GSE1: variants seen among roughly 807,000 people sequenced by gnomAD.
GSE1 encodes the protein Gse1 coiled-coil protein, also known as genetic suppressor element 1.
In GSE1, 32 loss-of-function variants were observed where a neutral mutation model predicts 112.6. That is an observed-to-expected ratio of 0.28 (90% CI 0.21 to 0.38). The LOEUF (loss-of-function observed/expected upper bound fraction) is 0.38, where lower values mean the gene tolerates loss of function less well. GSE1 is among the 10% of genes least tolerant of loss of function. The pLI is 1.00. For synonymous variants in GSE1, 1,115 were observed against 735.6 expected (o/e 1.52, Z -8.35); for missense variants, 2,348 against 1,699.2 (o/e 1.38, Z -6.71).
intron 1 of GSE1, among the ~76,000 whole-genome samples, chr16:85,235,181 A>C (rs1904463916): frequency 6.6e-6 from 1 of 152,062 alleles, no homozygotes. Flanking sequence ...CTTTCTCCCC[A>C]GGCTGGGGCT....
chr16:85,378,976 C>T (rs559383762), intron 2 of GSE1, among the ~76,000 whole-genome samples: 3 of 152,302 alleles, frequency 2.0e-5, no homozygotes, highest in Admixed American at 6.5e-5. Flanking sequence ...AAGTTCAGAT[C>T]CTGGCTCTGG....
intron 1 of GSE1, among the ~76,000 whole-genome samples, chr16:85,232,812 C>G (rs1904301682): frequency 6.6e-6 from 1 of 152,270 alleles, no homozygotes. Context: ...CTTCCTTCCA[C>G]CCAGGTTGCA....
chr16:85,321,367 T>G (rs989685666), intron 1 of GSE1, among the ~76,000 whole-genome samples: 3 of 152,222 alleles, frequency 2.0e-5, no homozygotes, highest in Admixed American at 2.0e-4. Flanking sequence ...TCCCCTCTTC[T>G]GCCTGAGCTG....
chr16:85,221,980 C>T (rs987094131), intron 1 of GSE1, among the ~76,000 whole-genome samples: 3 of 152,118 alleles, frequency 2.0e-5, no homozygotes, highest in Non-Finnish European at 4.4e-5. Context: ...GTGGGCTGGC[C>T]TCAGGGAGGG....
chr16:85,655,869 C>T lies in GSE1; in HGVS notation c.941C>T (p.Ser314Phe), dbSNP rs762235890. 2 of 1,608,758 alleles carry T rather than the reference C, an allele frequency of 1.2e-6. No individual in the cohort carries two copies. Among genetic ancestry groups the T allele is most frequent in the Admixed American group, 3.3e-5 (2 of 60,008 alleles). The stretch of plus-strand genomic sequence containing the variant: ...TACCCTCCCGAGCTCTCCCACTCAT[C>T]CCTGGCAGCGCTGCACTCGGAGCGC... Reference protein sequence around the residue: ...VRYPPELSHSSLAALHSERMS... With the variant: ...VRYPPELSHSFLAALHSERMS... Residue 314 changes from serine to phenylalanine, a missense_variant, in exon 6 of 16, where the codon TCC becomes TTC. Physicochemically the swap from Ser to Phe is radical, Grantham distance 155 (BLOSUM62 -2). Transcript: ENST00000253458.
At chr16:85,200,258 G>A (rs953180360) in intron 1 of GSE1, among the ~76,000 whole-genome samples, 6 of 152,030 alleles carry the variant, frequency 3.9e-5, no homozygotes, top group Admixed American at 3.9e-4. Flanking sequence ...CTCGGGACAG[G>A]GACCTCATAG....
chr16:85,454,606 T>C (rs562711455), intron 2 of GSE1, among the ~76,000 whole-genome samples: 8 of 152,250 alleles, frequency 5.3e-5, no homozygotes, highest in Non-Finnish European at 1.2e-4. Context: ...CCCACAGTTC[T>C]GGAGACGTCC....
chr16:85,190,850 C>T (rs954954110), intron 1 of GSE1, among the ~76,000 whole-genome samples: 3 of 152,250 alleles, frequency 2.0e-5, no homozygotes, highest in African/African-American at 7.2e-5. Flanking sequence ...CAGGGTGGGG[C>T]TGATGGTGAG....
At chr16:85,329,070 C>G (rs1025759804) in intron 1 of GSE1, among the ~76,000 whole-genome samples, 1 of 152,190 alleles carries the variant, frequency 6.6e-6, no homozygotes, top group Non-Finnish European at 1.5e-5. Context: ...CCCCGCGGCC[C>G]CAGTGTTCTA....
At chr16:85,480,215 C>T (rs184315611) in intron 2 of GSE1, among the ~76,000 whole-genome samples, 12 of 152,376 alleles carry the variant, frequency 7.9e-5, no homozygotes, top group Admixed American at 5.9e-4. Context: ...GGCAGTTTGG[C>T]TCCAGAATCT....
At chr16:85,329,660 T>A (rs750272837) in intron 1 of GSE1, among the ~76,000 whole-genome samples, 25 of 151,858 alleles carry the variant, frequency 1.6e-4, no homozygotes, top group Non-Finnish European at 2.9e-4. Flanking sequence ...GCCGGTGTTC[T>A]GAGGGGATTA....
chr16:85,671,476 A>G (rs1223053680), intron 15 of GSE1, among the ~76,000 whole-genome samples: 2 of 144,056 alleles, frequency 1.4e-5, no homozygotes, highest in African/African-American at 2.5e-5. Flanking sequence ...TTTGGACTGC[A>G]TGCAATGGCT....
intron 2 of GSE1, among the ~76,000 whole-genome samples, chr16:85,491,659 G>A (rs1023119688): frequency 6.6e-6 from 1 of 152,086 alleles, no homozygotes; most frequent in Non-Finnish European, 1.5e-5. Flanking sequence ...CATGATGGTG[G>A]AGGAGGTGAG....
intron 2 of GSE1, among the ~76,000 whole-genome samples, chr16:85,478,910 T>TC (rs1491509090): frequency 1.6e-4 from 9 of 57,400 alleles, no homozygotes; most frequent in African/African-American, 7.4e-4. Context: ...TTTCTTTCTT[T>TC]CTTTCTTTCT....
At chr16:85,173,741 A>G (rs772663818) in intron 1 of GSE1, among the ~76,000 whole-genome samples, 17 of 152,182 alleles carry the variant, frequency 1.1e-4, no homozygotes, top group Non-Finnish European at 1.9e-4. Flanking sequence ...GACTGATAAG[A>G]ACGCCAGGAA....
chr16:85,542,881 T>C (rs1456422294), intron 2 of GSE1, among the ~76,000 whole-genome samples: 1 of 152,222 alleles, frequency 6.6e-6, no homozygotes, highest in Non-Finnish European at 1.5e-5. Context: ...GTTTCCCTCA[T>C]TACATGACCT....
At chr16:85,582,947 G>T (rs1004410833) in intron 1 of GSE1, among the ~76,000 whole-genome samples, 1 of 152,198 alleles carries the variant, frequency 6.6e-6, no homozygotes, top group African/African-American at 2.4e-5. Flanking sequence ...TAAAGTCGGA[G>T]GATTACTGTG....
At position 85,459,123 on chromosome 16, in the gene GSE1, G is replaced by A. The variant is rs537235534; in HGVS notation, c.2464+101480G>A. ...CTCTGCTTACACAGTGGCCTCTGACGCCGCCTGTGCTCATTCACCCAGAAA... is the reference window on the plus strand; with the variant it reads ...CTCTGCTTACACAGTGGCCTCTGACACCGCCTGTGCTCATTCACCCAGAAA... On this transcript the variant is annotated intron_variant, in intron 2 of 2. Transcript: ENST00000637419. 4.6e-5 allele frequency among the ~76,000 whole-genome samples: 7 copies of A among 152,306 alleles called. No individual in the cohort carries two copies. The South Asian group carries it at 1.2e-3, about 27-fold the overall frequency.
chr16:85,639,647 C>T (rs150582300), intron 2 of GSE1, among the ~76,000 whole-genome samples: 3 of 152,376 alleles, frequency 2.0e-5, no homozygotes, highest in South Asian at 2.1e-4. Flanking sequence ...GCTTCCAGCT[C>T]CCCAGCTCCA....
Sources: allele counts gnomAD v4.1 joint callset (sites outside exome capture counted in the v4.1 genomes callset), GRCh38; gene constraint gnomAD v4.1.1; transcripts MANE v1.5; gene names NCBI Gene and HGNC (gene_info 2026-07-23, HGNC 2026-07-21).